Variants in DCC observed in about 807,000 individuals in gnomAD.
DCC encodes the protein DCC netrin 1 receptor.
Under a neutral mutation model 172.5 loss-of-function variants are expected in DCC, and 58 were observed. That is an observed-to-expected ratio of 0.34 (90% CI 0.27 to 0.42). The LOEUF (loss-of-function observed/expected upper bound fraction) is 0.42. Ranked by LOEUF, DCC falls within the 10% of genes least tolerant of loss-of-function variation. The probability of loss-of-function intolerance (pLI) is 1.00; values close to 1 mark genes in which losing one functional copy is unlikely to be tolerated. For synonymous variants in DCC, 709 were observed against 644.5 expected, an observed-to-expected ratio of 1.10 and a Z score of -1.52; for missense variants, 1,740 against 1,791.0, an observed-to-expected ratio of 0.97 and a Z score of 0.51.
intron 1 of DCC, among the ~76,000 whole-genome samples, chr18:52,525,687 T>C (rs1019905733): frequency 1.3e-5 from 2 of 152,348 alleles, no homozygotes; most frequent in Non-Finnish European, 2.9e-5. Flanking sequence ...AAGTACTTGT[T>C]GACAAATAGA....
rs865811773 is a variant in DCC, at chr18:53,515,148, C to T, written c.4112-11469C>T. Among the ~76,000 whole-genome samples the T allele has an allele frequency of 6.5e-3, 979 of 151,322 alleles. 2 individuals carry two copies. The highest frequency in any genetic ancestry group is 0.021 in the Middle Eastern group (6 of 292). ...TGGGATGCAAGGCTGGTTCAATATA[C>T]GCAAATCAATAAATGTAATCCAGCA... On this transcript the variant is annotated intron_variant, in intron 27 of 28. Coordinates refer to ENST00000442544, the MANE Select transcript of DCC (RefSeq NM_005215.4).
intron 25 of DCC, among the ~76,000 whole-genome samples, chr18:53,484,054 T>C (rs916215074): frequency 6.6e-6 from 1 of 151,866 alleles, no homozygotes; most frequent in Non-Finnish European, 1.5e-5. Context: ...ACTATAACAA[T>C]GAGATCTTTA....
intron 2 of DCC, among the ~76,000 whole-genome samples, chr18:52,796,508 G>C (rs2037880499): frequency 6.6e-6 from 1 of 151,974 alleles, no homozygotes; most frequent in African/African-American, 2.4e-5. Context: ...CCAGTCTATT[G>C]GTGACAAATT....
chr18:52,974,562 C>G (rs527750473), intron 5 of DCC, among the ~76,000 whole-genome samples: 1 of 152,238 alleles, frequency 6.6e-6, no homozygotes, highest in South Asian at 2.1e-4. Context: ...GCTTGAAAAG[C>G]CACAGGGTGG....
At position 52,477,069 on chromosome 18, in the gene DCC, T is replaced by C. The variant is rs551088098; in HGVS notation, c.91+136191T>C. Among the ~76,000 whole-genome samples the C allele has an allele frequency of 3.7e-4, 57 of 152,124 alleles. 1 individual carries two copies. The highest frequency in any genetic ancestry group is 1.9e-4 in the Non-Finnish European group (13 of 68,022). On this transcript the variant is annotated intron_variant, in intron 1 of 28. Coordinates refer to ENST00000442544, the MANE Select transcript of DCC (RefSeq NM_005215.4). ...AGGCATTTGTGTGACATCAGGATTT[T>C]CATCCTCTGGCTGCTCCCTCTGCAG...
chr18:52,651,822 AAC>A (rs949472567), intron 1 of DCC, among the ~76,000 whole-genome samples: 3 of 152,174 alleles, frequency 2.0e-5, no homozygotes, highest in African/African-American at 7.2e-5. Flanking sequence ...AATATATATA[AAC>A]ACCAGCTACC....
chr18:52,842,737 C>G (rs972808631), intron 2 of DCC, among the ~76,000 whole-genome samples: 1 of 152,120 alleles, frequency 6.6e-6, no homozygotes, highest in Non-Finnish European at 1.5e-5. Context: ...GATGCATGCT[C>G]AAGTTGAGAA....
At chr18:53,265,698 G>C (rs369334499) in intron 12 of DCC, among the ~76,000 whole-genome samples, 1 of 152,200 alleles carries the variant, frequency 6.6e-6, no homozygotes, top group African/African-American at 2.4e-5. Flanking sequence ...TGCAGGATAG[G>C]ATATGCAGAT....
At chr18:52,906,969 T>C (rs2039892906) in intron 3 of DCC, among the ~76,000 whole-genome samples, 1 of 151,842 alleles carries the variant, frequency 6.6e-6, no homozygotes, top group African/African-American at 2.4e-5. Context: ...TGTGAAGAGT[T>C]CTCTTTTGTA....
At chr18:52,680,236 C>A (rs1243198372) in intron 1 of DCC, among the ~76,000 whole-genome samples, 1 of 152,052 alleles carries the variant, frequency 6.6e-6, no homozygotes, top group African/African-American at 2.4e-5. Context: ...TTAAGCAGAG[C>A]ATAGCGAGAG....
intron 5 of DCC, among the ~76,000 whole-genome samples, chr18:52,980,944 AT>A (rs35143538): frequency 0.4 from 58,168 of 145,564 alleles, 12,008 homozygotes; most frequent in Middle Eastern, 0.49. Flanking sequence ...ACATACTGCT[AT>A]TTTTTTTTTT....
intron 1 of DCC, among the ~76,000 whole-genome samples, chr18:52,535,368 C>A (rs553665391): frequency 5.3e-5 from 8 of 152,304 alleles, no homozygotes; most frequent in Middle Eastern, 3.4e-3. Context: ...TAGAGCCAAA[C>A]TGAACGTGAG....
intron 11 of DCC, among the ~76,000 whole-genome samples, chr18:53,213,679 T>C (rs1391949540): frequency 7.4e-6 from 1 of 135,502 alleles, no homozygotes; most frequent in Non-Finnish European, 1.5e-5. Flanking sequence ...AAAAAAGAAG[T>C]GACTCAATAT....
chr18:53,491,321 A>T (rs541443123), intron 26 of DCC, among the ~76,000 whole-genome samples: 18 of 152,308 alleles, frequency 1.2e-4, no homozygotes, highest in Non-Finnish European at 2.6e-4. Context: ...CAAAAGACTA[A>T]CAAATGCATG....
intron 1 of DCC, among the ~76,000 whole-genome samples, chr18:52,565,117 T>TC: frequency 6.6e-6 from 1 of 152,252 alleles, no homozygotes; most frequent in African/African-American, 2.4e-5. Flanking sequence ...AACCTGGACC[T>TC]CACTGGATTC....
chr18:53,218,461 A>G (rs1391774355), intron 12 of DCC, among the ~76,000 whole-genome samples: 2 of 152,130 alleles, frequency 1.3e-5, no homozygotes, highest in East Asian at 1.9e-4. Flanking sequence ...TTACACATCT[A>G]GATAATGAAA....
At chr18:53,340,056 AC>A in intron 15 of DCC, 149 bp downstream of exon 15, 2 of 497,692 alleles carry the variant, frequency 4.0e-6, no homozygotes, top group Non-Finnish European at 7.1e-6. Flanking sequence ...CTACACACAC[AC>A]ACACACACAC....
At chr18:52,748,561 T>C (rs903158968) in intron 1 of DCC, among the ~76,000 whole-genome samples, 1 of 152,234 alleles carries the variant, frequency 6.6e-6, no homozygotes, top group Non-Finnish European at 1.5e-5. Flanking sequence ...CCCACAGCTC[T>C]TGGGCTGGCC....
At chr18:53,100,654 G>C (rs1016194503) in intron 7 of DCC, among the ~76,000 whole-genome samples, 1 of 151,788 alleles carries the variant, frequency 6.6e-6, no homozygotes, top group Non-Finnish European at 1.5e-5. Flanking sequence ...AGAAAGAAAG[G>C]GAAAGCCGGA....
Sources: gnomAD v4.1 joint callset for allele counts (sites outside exome capture counted in the v4.1 genomes callset) on GRCh38, gnomAD v4.1.1 for gene constraint, MANE v1.5 for transcripts, NCBI Gene and HGNC (gene_info 2026-07-23, HGNC 2026-07-21) for gene names.